Variants in EML6 observed in about 807,000 individuals in gnomAD.
EML6 encodes the protein EMAP like 6, also known as echinoderm microtubule-associated protein-like 6.
Under a neutral mutation model 240.1 loss-of-function variants are expected in EML6, and 154 were observed. That is an observed-to-expected ratio of 0.64 (90% CI 0.56 to 0.73). EML6 has a LOEUF of 0.73. EML6 is among the 30% of genes least tolerant of loss of function. The pLI, the probability that EML6 is intolerant of heterozygous loss-of-function variation, is 0.00. For synonymous variants in EML6, 1,148 were observed against 899.0 expected, an observed-to-expected ratio of 1.28 and a Z score of -4.95; for missense variants, 2,964 against 2,474.6, an observed-to-expected ratio of 1.20 and a Z score of -4.20.
intron 26 of EML6, among the ~76,000 whole-genome samples, chr2:54,926,935 G>A (rs1215070145): frequency 6.6e-6 from 1 of 152,080 alleles, no homozygotes; most frequent in East Asian, 1.9e-4. Flanking sequence ...CATTTCTCAT[G>A]CTCTTTTACT....
intron 7 of EML6, among the ~76,000 whole-genome samples, chr2:54,838,822 G>A (rs1240109479): frequency 6.6e-6 from 1 of 152,198 alleles, no homozygotes; most frequent in East Asian, 1.9e-4. Flanking sequence ...TCCAAATGTG[G>A]ACACCTCATC....
chr2:54,943,617 C>A (rs954826798), intron 28 of EML6, among the ~76,000 whole-genome samples: 32 of 152,124 alleles, frequency 2.1e-4, no homozygotes, highest in African/African-American at 7.7e-4. Flanking sequence ...ACCCCTGAGT[C>A]CAGTGACTCT....
At chr2:54,903,262 C>G in intron 23 of EML6, 66 bp downstream of exon 23, 4 of 1,522,976 alleles carry the variant, frequency 2.6e-6, no homozygotes, top group Non-Finnish European at 3.5e-6. Flanking sequence ...CAAGAATGAA[C>G]TATTTCAAAT....
intron 37 of EML6, 80 bp from the exon 38 acceptor site, chr2:54,964,491 C>A: frequency 7.4e-7 from 1 of 1,359,200 alleles, no homozygotes; most frequent in Non-Finnish European, 1.0e-6. Context: ...CCTGGAAGGC[C>A]TGTCACAGAC....
At chr2:54,953,284 C>T (rs962231017) in intron 31 of EML6, among the ~76,000 whole-genome samples, 16 of 152,164 alleles carry the variant, frequency 1.1e-4, no homozygotes, top group Admixed American at 5.2e-4. Flanking sequence ...TGCCATTGCT[C>T]ACCCAATGCA....
chr2:54,840,339 T>C (rs910229227), intron 7 of EML6, among the ~76,000 whole-genome samples: 1 of 152,244 alleles, frequency 6.6e-6, no homozygotes, highest in African/African-American at 2.4e-5. Flanking sequence ...GAATATTCAA[T>C]AACAGTTAAA....
chr2:54,730,150 G>A (rs748796480), intron 2 of EML6, among the ~76,000 whole-genome samples: 1 of 151,520 alleles, frequency 6.6e-6, no homozygotes, highest in Non-Finnish European at 1.5e-5. Context: ...AAAAAAAAAA[G>A]AAAAGAAAAA....
chr2:54,888,071 C>T (rs575490604), intron 17 of EML6, among the ~76,000 whole-genome samples: 1 of 152,342 alleles, frequency 6.6e-6, no homozygotes, highest in Admixed American at 6.5e-5. Flanking sequence ...CAATACTATG[C>T]CACCAGCTTT....
chr2:54,934,792 G>A (rs750872243), intron 28 of EML6, among the ~76,000 whole-genome samples: 2 of 152,100 alleles, frequency 1.3e-5, no homozygotes, highest in African/African-American at 2.4e-5. Context: ...GGCTCAAGCG[G>A]TCTTACACCT....
intron 2 of EML6, among the ~76,000 whole-genome samples, chr2:54,726,060 A>G (rs764539654): frequency 1.3e-5 from 2 of 152,226 alleles, no homozygotes; most frequent in Non-Finnish European, 2.9e-5. Flanking sequence ...TGGACCAGAC[A>G]CATTTTCCTC....
intron 2 of EML6, among the ~76,000 whole-genome samples, chr2:54,793,261 T>A (rs562868890): frequency 4.7e-4 from 72 of 152,128 alleles, no homozygotes; most frequent in Middle Eastern, 3.4e-3. Flanking sequence ...AGCAAGACTG[T>A]CACAAAATAA....
At chr2:54,841,774 G>A (rs1449843986) in intron 7 of EML6, among the ~76,000 whole-genome samples, 1 of 151,836 alleles carries the variant, frequency 6.6e-6, no homozygotes, top group Non-Finnish European at 1.5e-5. Context: ...TCTATTTTTA[G>A]TAGAGACGGG....
chr2:54,737,967 C>T (rs1229682695), intron 2 of EML6, among the ~76,000 whole-genome samples: 3 of 152,206 alleles, frequency 2.0e-5, no homozygotes, highest in African/African-American at 7.2e-5. Context: ...CTCTTTTGCA[C>T]TCTTTCTGCC....
At chr2:54,968,876 A>C (rs1437911282) in intron 41 of EML6, 108 bp downstream of exon 41, 3 of 622,452 alleles carry the variant, frequency 4.8e-6, no homozygotes, top group Non-Finnish European at 8.7e-6. Context: ...AGGAGGGCTG[A>C]TGTGGGGCTA....
rs2103903071 is a variant in EML6, at chr2:54,869,335, C to T, written c.2206C>T (p.His736Tyr). 6.4e-7 allele frequency: 1 copy of T among 1,551,574 alleles called. No individual in the cohort carries two copies. The highest frequency in any genetic ancestry group is 1.2e-5 in the South Asian group (1 of 84,026). The part of the protein sequence containing the change: ...HDDDILSLTI[H>Y]PVKDYVATGQ... ...TGACGACATTCTCAGCCTGACCATC[C>T]ATCCAGTGAAGGACTATGTGGCTAC... The change falls in exon 15 of 42, where the codon CAT (histidine) becomes TAT (tyrosine). Residue 736 changes from histidine (H) to tyrosine (Y), a missense_variant. His to Tyr is a moderately conservative substitution (Grantham distance 83, BLOSUM62 2). Transcript: ENST00000356458.
At chr2:54,922,184 C>T (rs983107046) in intron 26 of EML6, among the ~76,000 whole-genome samples, 31 of 152,040 alleles carry the variant, frequency 2.0e-4, no homozygotes, top group African/African-American at 6.0e-4. Context: ...GGTTAATATA[C>T]AAAATATATA....
At chr2:54,940,736 G>GT (rs954442214) in intron 28 of EML6, among the ~76,000 whole-genome samples, 51 of 152,326 alleles carry the variant, frequency 3.3e-4, no homozygotes, top group African/African-American at 1.0e-3. Context: ...GGGAAATGAT[G>GT]TGACTGATGT....
chr2:54,850,264 G>C, intron 10 of EML6, 46 bp downstream of exon 10: 2 of 1,517,106 alleles, frequency 1.3e-6, no homozygotes, highest in Non-Finnish European at 1.8e-6. Flanking sequence ...GCAAAATTTT[G>C]AACCAGGTGA....
chr2:54,957,099 T>C (rs1241899848), intron 32 of EML6, among the ~76,000 whole-genome samples: 8 of 152,104 alleles, frequency 5.3e-5, no homozygotes, highest in African/African-American at 1.4e-4. Context: ...CCTTCTGAAA[T>C]AGGAACAATT....
Sources: gnomAD v4.1 joint callset for allele counts (sites outside exome capture counted in the v4.1 genomes callset) on GRCh38, gnomAD v4.1.1 for gene constraint, MANE v1.5 for transcripts, NCBI Gene and HGNC (gene_info 2026-07-23, HGNC 2026-07-21) for gene names.